ANKRD18A: variants seen among roughly 807,000 people sequenced by gnomAD.
ANKRD18A encodes the protein ankyrin repeat domain 18A, also known as ankyrin repeat domain-containing protein 18A.
A neutral mutation model predicts 110.6 loss-of-function variants in ANKRD18A; 72 were observed. The ratio of observed to expected loss-of-function variants is 0.65; its 90% confidence interval spans 0.54 to 0.79. The LOEUF is 0.79. Among genes scored for constraint, ANKRD18A ranks in the 30% least tolerant of loss-of-function variants. ANKRD18A has a pLI of 0.00. For missense variants in ANKRD18A, 934 were observed against 1,163.3 expected, an observed-to-expected ratio of 0.80 and a Z score of 2.87; for synonymous variants, 305 against 410.3, an observed-to-expected ratio of 0.74 and a Z score of 3.10.
chr9:38,603,355 A>G, intron 6 of ANKRD18A, 143 bp from the exon 7 acceptor site: 1 of 1,162,834 alleles, frequency 8.6e-7, no homozygotes, highest in Non-Finnish European at 1.2e-6. Context: ...ATCACCACAA[A>G]TTTAAAAGTG....
chr9:38,566,703 G>A (rs1273619167), downstream of ANKRD18A: 1 of 152,216 alleles, frequency 6.6e-6, no homozygotes, highest in Admixed American at 6.5e-5. Context: ...AGGAAGCACA[G>A]GGCTTCTGCT....
rs1376243075 is a variant in ANKRD18A at position 38,620,172 on chromosome 9, G to C, written c.114C>G (p.Ile38Met). ...YDIRDWELRK[I>M]HRAAIKGDAA... Reference sequence around the variant, plus strand: ...CGTCGCCCTTGATGGCAGCCCTGTGGATCTTCCGCAGTTCCCAGTCCCGAA... The same window carrying C: ...CGTCGCCCTTGATGGCAGCCCTGTGCATCTTCCGCAGTTCCCAGTCCCGAA... The change falls in exon 1 of 16, where the codon ATC becomes ATG. Residue 38 changes from isoleucine to methionine, a missense_variant. Physicochemically the swap from Ile to Met is conservative, Grantham distance 10. Around this residue, in one of 4 missense-constraint regions of ANKRD18A, gnomAD observed 630 missense variants for 797.5 expected, o/e 0.79. Transcript: ENST00000399703. 2 of 1,566,538 alleles carry C rather than the reference G, an allele frequency of 1.3e-6. No individual in the cohort carries two copies. Among genetic ancestry groups the C allele is most frequent in the Non-Finnish European group, 1.7e-6 (2 of 1,155,640 alleles).
intron 10 of ANKRD18A, among the ~76,000 whole-genome samples, chr9:38,590,743 A>G (rs1824609210): frequency 6.6e-6 from 1 of 152,114 alleles, no homozygotes; most frequent in South Asian, 2.1e-4. Flanking sequence ...CTTCTTCCTG[A>G]TCGAGATTCT....
intron 12 of ANKRD18A, among the ~76,000 whole-genome samples, chr9:38,583,024 G>A (rs942987024): frequency 2.6e-5 from 4 of 152,182 alleles, no homozygotes; most frequent in African/African-American, 9.7e-5. Context: ...AGATATTTCT[G>A]CAAAGAAGAT....
chr9:38,577,772 A>G, intron 13 of ANKRD18A, 95 bp downstream of exon 13: 2 of 1,354,266 alleles, frequency 1.5e-6, no homozygotes, highest in Non-Finnish European at 1.9e-6. Flanking sequence ...TAAGAGAGGC[A>G]GAGGAAACAC....
chr9:38,585,759 C>A (rs1469096808), intron 12 of ANKRD18A, among the ~76,000 whole-genome samples: 1 of 152,074 alleles, frequency 6.6e-6, no homozygotes, highest in Non-Finnish European at 1.5e-5. Context: ...GGAATCAACC[C>A]AGATGTCCAT....
At position 38,615,977 on chromosome 9, in the gene ANKRD18A, A is replaced by G; in HGVS notation, c.274T>C (p.Cys92Arg). The change falls in exon 2 of 16, where the codon TGC (cysteine) becomes CGC (arginine). Residue 92 changes from cysteine to arginine, a missense_variant. By Grantham distance (180) the Cys-to-Arg change is radical (BLOSUM62 -3). Around this residue, in one of 4 missense-constraint regions of ANKRD18A, gnomAD observed 630 missense variants for 797.5 expected, o/e 0.79. Transcript: ENST00000399703. ...QVVTLLLHRR[C>R]QIDICDRLNR... ...AGTCTGTCACAGATGTCGATCTGGC[A>G]TCTTCTGTGCAGCAAGAGAGTGACC... 1 of 1,590,052 alleles carries G rather than the reference A, an allele frequency of 6.3e-7. No individual in the cohort carries two copies. Among genetic ancestry groups the G allele is most frequent in the South Asian group, 1.1e-5 (1 of 87,492 alleles).
intron 13 of ANKRD18A, among the ~76,000 whole-genome samples, 196 bp from the exon 14 acceptor site, chr9:38,577,460 G>A (rs1166496807): frequency 6.6e-6 from 1 of 152,088 alleles, no homozygotes; most frequent in African/African-American, 2.4e-5. Context: ...AAAAAAATTT[G>A]AAATCATACT....
chr9:38,591,380 T>C (rs991085811), intron 10 of ANKRD18A, among the ~76,000 whole-genome samples: 14 of 152,202 alleles, frequency 9.2e-5, no homozygotes, highest in Non-Finnish European at 1.5e-4. Context: ...AAATTAATTT[T>C]CTGTGTCTCC....
intron 3 of ANKRD18A, among the ~76,000 whole-genome samples, chr9:38,613,509 A>C (rs1825730031): frequency 6.6e-6 from 1 of 152,052 alleles, no homozygotes; most frequent in African/African-American, 2.4e-5. Context: ...ACATAATAAA[A>C]ATTGCTGTTA....
intron 6 of ANKRD18A, 42 bp from the exon 7 acceptor site, chr9:38,603,254 C>T (rs1212813659): frequency 1.3e-6 from 2 of 1,550,120 alleles, no homozygotes; most frequent in South Asian, 1.2e-5. Context: ...TTCTGGAAAA[C>T]ATCATCCCTC....
At chr9:38,600,081 T>C (rs1042216920) in intron 8 of ANKRD18A, among the ~76,000 whole-genome samples, 21 of 152,226 alleles carry the variant, frequency 1.4e-4, no homozygotes, top group African/African-American at 4.8e-4. Context: ...TTACTACTCC[T>C]AAGTTGCTGG....
At chr9:38,597,978 A>T (rs1442735618) in intron 8 of ANKRD18A, among the ~76,000 whole-genome samples, 1 of 152,204 alleles carries the variant, frequency 6.6e-6, no homozygotes, top group East Asian at 1.9e-4. Flanking sequence ...GTTTCCAAAA[A>T]CATTTAAAGT....
chr9:38,610,183 T>C, intron 5 of ANKRD18A, 90 bp downstream of exon 5: 1 of 1,411,646 alleles, frequency 7.1e-7, no homozygotes, highest in Non-Finnish European at 9.2e-7. Flanking sequence ...AACCAAACTA[T>C]GAACTGTCAC....
intron 1 of ANKRD18A, 104 bp from the exon 2 acceptor site, chr9:38,616,148 A>C: frequency 1.1e-6 from 1 of 876,586 alleles, no homozygotes; most frequent in Non-Finnish European, 1.7e-6. Flanking sequence ...CTCTGCCTTC[A>C]AAACAAATAA....
chr9:38,612,617 A>G (rs1825679905), intron 3 of ANKRD18A, among the ~76,000 whole-genome samples: 1 of 148,218 alleles, frequency 6.7e-6, no homozygotes, highest in South Asian at 2.1e-4. Flanking sequence ...TCCCGAGTTC[A>G]TGCCATTCTC....
chr9:38,580,412 G>A (rs1824107253), intron 12 of ANKRD18A, among the ~76,000 whole-genome samples: 1 of 152,196 alleles, frequency 6.6e-6, no homozygotes, highest in Non-Finnish European at 1.5e-5. Flanking sequence ...GACTACACTA[G>A]CAAGACCTTG....
At chr9:38,603,748 CTCAAATTGAA>C (rs1316340590) in intron 6 of ANKRD18A, among the ~76,000 whole-genome samples, 2 of 152,134 alleles carry the variant, frequency 1.3e-5, no homozygotes, top group African/African-American at 4.8e-5. Flanking sequence ...TGCCCTAAAT[CTCAAATTGAA>C]TCTAATGCCT....
chr9:38,595,553 A>G lies in ANKRD18A; in HGVS notation c.1787T>C (p.Leu596Ser). 6.5e-7 allele frequency: 1 copy of G among 1,536,796 alleles called. No individual in the cohort carries two copies. Among genetic ancestry groups the G allele is most frequent in the Non-Finnish European group, 8.8e-7 (1 of 1,141,880 alleles). ...EDLLEERNKE[L>S]MKEYNYLKEK... ...TTTTAAATAATTATATTCTTTCATT[A>G]ATTCCTTATTTCTTTCTTCTAGAAG... Residue 596 changes from leucine (L) to serine (S), a missense_variant, in exon 9 of 16, where the codon TTA (leucine) becomes TCA (serine). Leu to Ser is a moderately radical substitution (Grantham distance 145). This residue lies in a region of ANKRD18A where 630 missense variants were observed against 797.5 expected (regional missense o/e 0.79). Transcript: ENST00000399703.
Sources: gnomAD v4.1 joint callset for allele counts (sites outside exome capture counted in the v4.1 genomes callset) on GRCh38, gnomAD v4.1.1 for gene constraint, gnomAD v4.1.1 regional missense constraint, MANE v1.5 for transcripts, NCBI Gene and HGNC (gene_info 2026-07-23, HGNC 2026-07-21) for gene names.